RPS6KC1: variants seen among roughly 807,000 people sequenced by gnomAD.
RPS6KC1 encodes ribosomal protein S6 kinase C1, also known as inactive ribosomal protein S6 kinase delta-1.
In RPS6KC1, 54 loss-of-function variants were observed where a neutral mutation model predicts 103.8. That is an observed-to-expected ratio of 0.52 (90% confidence interval 0.42 to 0.65). The LOEUF (loss-of-function observed/expected upper bound fraction) is 0.65. Among genes scored for constraint, RPS6KC1 ranks in the 30% least tolerant of loss-of-function variants. The probability of loss-of-function intolerance (pLI) is 0.00; values close to 1 mark genes in which losing one functional copy is unlikely to be tolerated. For synonymous variants in RPS6KC1, 439 were observed against 438.7 expected (o/e 1.00, Z -0.01); for missense variants, 1,151 against 1,253.8 (o/e 0.92, Z 1.24).
the RPS6KC1 span, among the ~76,000 whole-genome samples, chr1:213,853,443 A>G: frequency 6.6e-6 from 1 of 152,250 alleles, no homozygotes. Flanking sequence ...AAGTGCTGCT[A>G]TCCAGAACAA....
At chr1:213,730,187 G>T in the RPS6KC1 span, among the ~76,000 whole-genome samples, 3 of 152,130 alleles carry the variant, frequency 2.0e-5, no homozygotes, top group Non-Finnish European at 2.9e-5. Flanking sequence ...TAGGCATTTA[G>T]GTTGATTCCA....
chr1:213,295,498 G>T, the RPS6KC1 span, among the ~76,000 whole-genome samples: 78 of 152,182 alleles, frequency 5.1e-4, no homozygotes, highest in African/African-American at 1.8e-3. Context: ...TATCCATCAT[G>T]GTCAAATTTT....
intron 8 of RPS6KC1, among the ~76,000 whole-genome samples, chr1:213,199,831 A>C (rs2093090210): frequency 6.6e-6 from 1 of 152,210 alleles, no homozygotes; most frequent in African/African-American, 2.4e-5. Flanking sequence ...TAGCATTCCT[A>C]TACACCAACA....
chr1:213,300,023 T>C, the RPS6KC1 span, among the ~76,000 whole-genome samples: 1 of 152,172 alleles, frequency 6.6e-6, no homozygotes, highest in Non-Finnish European at 1.5e-5. Context: ...GCCAGGATAG[T>C]CTTGATCTCC....
the RPS6KC1 span, among the ~76,000 whole-genome samples, chr1:213,404,336 C>G: frequency 6.6e-6 from 1 of 152,166 alleles, no homozygotes; most frequent in Non-Finnish European, 1.5e-5. Context: ...GAGCACTGGC[C>G]AGGTAGAGGG....
At chr1:213,150,755 T>C (rs922981035) in intron 6 of RPS6KC1, among the ~76,000 whole-genome samples, 242 of 152,340 alleles carry the variant, frequency 1.6e-3, no homozygotes, top group African/African-American at 5.7e-3. Context: ...CTCAATCTTT[T>C]CCCCACCTTT....
chr1:213,849,479 G>T, the RPS6KC1 span, among the ~76,000 whole-genome samples: 1 of 152,026 alleles, frequency 6.6e-6, no homozygotes, highest in African/African-American at 2.4e-5. Flanking sequence ...TTATACTAGG[G>T]TTTATTTCTG....
At chr1:213,094,091 C>G (rs961624748) in intron 3 of RPS6KC1, among the ~76,000 whole-genome samples, 2 of 151,602 alleles carry the variant, frequency 1.3e-5, no homozygotes, top group South Asian at 2.1e-4. Context: ...ATGCTCCCCC[C>G]CCCCACCAAG....
intron 10 of RPS6KC1, among the ~76,000 whole-genome samples, chr1:213,238,518 T>C (rs2094279458): frequency 6.6e-6 from 1 of 152,118 alleles, no homozygotes; most frequent in African/African-American, 2.4e-5. Flanking sequence ...TGTGCTGAAA[T>C]AGAAGATTAA....
the RPS6KC1 span, among the ~76,000 whole-genome samples, chr1:213,474,819 T>TA: frequency 5.9e-5 from 9 of 151,734 alleles, no homozygotes; most frequent in African/African-American, 2.2e-4. Context: ...AAAATTCAAA[T>TA]TAAAAAAAAA....
the RPS6KC1 span, among the ~76,000 whole-genome samples, chr1:213,750,588 G>A: frequency 2.0e-5 from 3 of 152,154 alleles, no homozygotes; most frequent in Non-Finnish European, 4.4e-5. Context: ...TTGCTAGCTC[G>A]AGGCATTAGA....
At chr1:213,473,177 C>T in the RPS6KC1 span, among the ~76,000 whole-genome samples, 16 of 152,334 alleles carry the variant, frequency 1.1e-4, no homozygotes, top group Non-Finnish European at 1.8e-4. Context: ...ACCCCCTTTT[C>T]CACCTGTGAA....
chr1:213,796,460 C>A, the RPS6KC1 span, among the ~76,000 whole-genome samples: 1 of 152,124 alleles, frequency 6.6e-6, no homozygotes, highest in African/African-American at 2.4e-5. Context: ...GTTTTGTATT[C>A]ATCAGTCAAC....
At chr1:213,820,064 C>T in the RPS6KC1 span, 4 of 152,196 alleles carry the variant, frequency 2.6e-5, no homozygotes, top group East Asian at 7.7e-4. Context: ...TTCTTGAGAA[C>T]TGGCTTTAAG....
the RPS6KC1 span, among the ~76,000 whole-genome samples, chr1:213,754,375 G>A: frequency 1.4e-4 from 21 of 152,134 alleles, no homozygotes; most frequent in African/African-American, 4.3e-4. Flanking sequence ...CCCTTGATAT[G>A]GTTTGGATCT....
chr1:213,162,680 G>C (rs963429010), intron 6 of RPS6KC1, among the ~76,000 whole-genome samples: 1 of 152,172 alleles, frequency 6.6e-6, no homozygotes, highest in Non-Finnish European at 1.5e-5. Flanking sequence ...AGAAATTGTT[G>C]AATCTAAGAA....
the RPS6KC1 span, among the ~76,000 whole-genome samples, chr1:213,760,250 TAC>T: frequency 6.6e-6 from 1 of 152,206 alleles, no homozygotes; most frequent in Non-Finnish European, 1.5e-5. Flanking sequence ...CACACATACA[TAC>T]ACACACACCA....
chr1:213,481,947 A>C, the RPS6KC1 span, among the ~76,000 whole-genome samples: 16 of 152,100 alleles, frequency 1.1e-4, no homozygotes, highest in Admixed American at 1.0e-3. Context: ...TTGTGATGGC[A>C]AGTGAGTTAT....
chr1:213,480,991 C>T, the RPS6KC1 span, among the ~76,000 whole-genome samples: 1 of 152,106 alleles, frequency 6.6e-6, no homozygotes, highest in Non-Finnish European at 1.5e-5. Context: ...TTGACAGTGA[C>T]AAAATTTTAT....
Sources: gnomAD v4.1 joint callset for allele counts (sites outside exome capture counted in the v4.1 genomes callset) on GRCh38, gnomAD v4.1.1 for gene constraint, MANE v1.5 for transcripts, NCBI Gene and HGNC (gene_info 2026-07-23, HGNC 2026-07-21) for gene names.